The following NDUFAF2 variants were observed in gnomAD, a reference collection of about 807,000 sequenced individuals.
NDUFAF2 encodes NADH:ubiquinone oxidoreductase complex assembly factor 2, also known as NADH dehydrogenase [ubiquinone] 1 alpha subcomplex assembly factor 2.
In NDUFAF2, 13 loss-of-function variants were observed where a neutral mutation model predicts 22.8. The observed-to-expected ratio is 0.57, with a 90% CI of 0.37 to 0.91. The LOEUF is 0.91. Among genes scored for constraint, NDUFAF2 ranks in the 40% least tolerant of loss-of-function variants. NDUFAF2 has a pLI of 0.01. For missense variants in NDUFAF2, 162 were observed against 195.2 expected (o/e 0.83, Z 1.01); for synonymous variants, 53 against 64.2 (o/e 0.83, Z 0.84).
chr5:61,052,689 A>G (rs1752040225), intron 1 of NDUFAF2, among the ~76,000 whole-genome samples: 1 of 152,228 alleles, frequency 6.6e-6, no homozygotes, highest in Admixed American at 6.5e-5. Context: ...ACACTAATGT[A>G]ATGAACAAGT....
chr5:61,149,808 GT>G (rs1007742110), intron 3 of NDUFAF2, among the ~76,000 whole-genome samples: 15 of 152,170 alleles, frequency 9.9e-5, no homozygotes, highest in African/African-American at 3.4e-4. Context: ...CTTTTTGGTA[GT>G]TTGTATTTGC....
intron 3 of NDUFAF2, among the ~76,000 whole-genome samples, chr5:61,129,543 C>CA (rs1753081995): frequency 6.9e-6 from 1 of 145,082 alleles, no homozygotes; most frequent in Non-Finnish European, 1.5e-5. Context: ...ATTGCAAGGA[C>CA]AAAAAACCAA....
intron 1 of NDUFAF2, among the ~76,000 whole-genome samples, chr5:60,984,855 C>CT (rs771004377): frequency 1.3e-5 from 2 of 149,184 alleles, no homozygotes; most frequent in Non-Finnish European, 3.0e-5. Context: ...GTAAAATTCT[C>CT]TTTTTTTGTT....
intron 1 of NDUFAF2, among the ~76,000 whole-genome samples, chr5:60,978,779 C>T (rs987536112): frequency 1.3e-5 from 2 of 152,108 alleles, no homozygotes; most frequent in Non-Finnish European, 2.9e-5. Context: ...ATGCTGGGCT[C>T]GGAGATGGTG....
intron 1 of NDUFAF2, among the ~76,000 whole-genome samples, chr5:61,051,669 G>A (rs1431790924): frequency 6.6e-6 from 1 of 152,064 alleles, no homozygotes; most frequent in Non-Finnish European, 1.5e-5. Context: ...GTAGAATTGA[G>A]TTTTGTATAG....
intron 3 of NDUFAF2, among the ~76,000 whole-genome samples, chr5:61,146,772 A>T (rs1741144607): frequency 6.6e-6 from 1 of 152,184 alleles, no homozygotes; most frequent in African/African-American, 2.4e-5. Flanking sequence ...CATGTATATC[A>T]GACTGCATAG....
chr5:60,955,946 G>A (rs1194929432), intron 1 of NDUFAF2, among the ~76,000 whole-genome samples: 2 of 147,470 alleles, frequency 1.4e-5, no homozygotes, highest in East Asian at 2.0e-4. Context: ...ATAGAGTCTC[G>A]CTCTGTCACT....
intron 1 of NDUFAF2, among the ~76,000 whole-genome samples, chr5:60,975,718 G>A (rs1351340562): frequency 6.6e-6 from 1 of 152,160 alleles, no homozygotes; most frequent in African/African-American, 2.4e-5. Flanking sequence ...TGGTCAATCA[G>A]TAGCTGACTC....
At chr5:60,985,576 G>T (rs550770959) in intron 1 of NDUFAF2, among the ~76,000 whole-genome samples, 1 of 152,132 alleles carries the variant, frequency 6.6e-6, no homozygotes, top group East Asian at 1.9e-4. Flanking sequence ...ATGTGTCCTG[G>T]AGATTCTGGT....
chr5:61,088,315 A>T (rs2111751706), intron 2 of NDUFAF2, among the ~76,000 whole-genome samples: 1 of 152,194 alleles, frequency 6.6e-6, no homozygotes, highest in Non-Finnish European at 1.5e-5. Flanking sequence ...CCGTGTTCTT[A>T]TAATTAGAAT....
chr5:61,111,371 A>G (rs1364752130), intron 3 of NDUFAF2, among the ~76,000 whole-genome samples: 1 of 151,914 alleles, frequency 6.6e-6, no homozygotes, highest in Non-Finnish European at 1.5e-5. Context: ...TTCTTTGTTG[A>G]TTTTCTGTCT....
intron 1 of NDUFAF2, among the ~76,000 whole-genome samples, chr5:61,037,802 A>C (rs1231683222): frequency 2.0e-5 from 3 of 152,092 alleles, no homozygotes; most frequent in Non-Finnish European, 4.4e-5. Context: ...GCCTTTGAAT[A>C]GTTCTGAAGG....
intron 1 of NDUFAF2, among the ~76,000 whole-genome samples, chr5:61,029,096 C>A (rs1187458118): frequency 1.3e-5 from 2 of 151,956 alleles, no homozygotes; most frequent in African/African-American, 4.8e-5. Context: ...CCACTCTGAC[C>A]CCCAACACCT....
intron 1 of NDUFAF2, among the ~76,000 whole-genome samples, chr5:61,037,024 GCCCT>G (rs976792488): frequency 6.6e-6 from 1 of 152,070 alleles, no homozygotes; most frequent in African/African-American, 2.4e-5. Context: ...TATTATTGAG[GCCCT>G]GCTAATTGCA....
intron 3 of NDUFAF2, among the ~76,000 whole-genome samples, chr5:61,117,523 CT>C (rs576139418): frequency 1.3e-5 from 2 of 151,940 alleles, no homozygotes; most frequent in Non-Finnish European, 2.9e-5. Context: ...GCCTGGCTAA[CT>C]TTTTTTGATT....
intron 3 of NDUFAF2, among the ~76,000 whole-genome samples, chr5:61,140,508 C>A (rs1009192045): frequency 3.3e-5 from 5 of 152,098 alleles, no homozygotes; most frequent in African/African-American, 1.2e-4. Context: ...TACAGCATAC[C>A]CAGTTAAATT....
intron 1 of NDUFAF2, among the ~76,000 whole-genome samples, chr5:60,995,333 C>G (rs868698195): frequency 6.6e-6 from 1 of 152,146 alleles, no homozygotes; most frequent in African/African-American, 2.4e-5. Context: ...TTTGGGAAGG[C>G]TTTCTAGATA....
intron 3 of NDUFAF2, among the ~76,000 whole-genome samples, chr5:61,147,648 A>T (rs1369352357): frequency 6.6e-6 from 1 of 151,932 alleles, no homozygotes; most frequent in Non-Finnish European, 1.5e-5. Context: ...CAATGATGGA[A>T]ATGTTTTATA....
intron 3 of NDUFAF2, among the ~76,000 whole-genome samples, chr5:61,125,561 A>G (rs952102212): frequency 6.6e-6 from 1 of 152,088 alleles, no homozygotes; most frequent in Non-Finnish European, 1.5e-5. Flanking sequence ...GTCCACATCA[A>G]TAACTTGGCC....
Sources: allele counts gnomAD v4.1 joint callset (sites outside exome capture counted in the v4.1 genomes callset), GRCh38; gene constraint gnomAD v4.1.1; transcripts MANE v1.5; gene names NCBI Gene and HGNC (gene_info 2026-07-23, HGNC 2026-07-21).